The following COL5A2 variants were observed in gnomAD, a reference collection of about 807,000 sequenced individuals.
COL5A2 encodes the protein collagen type V alpha 2 chain, also known as collagen alpha-2(V) chain.
A neutral mutation model predicts 208.2 loss-of-function variants in COL5A2; 23 were observed. The observed-to-expected ratio is 0.11, with a 90% CI of 0.08 to 0.16. The LOEUF is 0.16. COL5A2 is among the 10% of genes least tolerant of loss of function. The pLI is 1.00. For missense variants in COL5A2, 1,590 were observed against 1,956.4 expected, an observed-to-expected ratio of 0.81 and a Z score of 3.53; for synonymous variants, 625 against 628.5, an observed-to-expected ratio of 0.99 and a Z score of 0.08.
At chr2:189,199,934 G>C (rs1689050680) in intron 1 of COL5A2, among the ~76,000 whole-genome samples, 1 of 152,092 alleles carries the variant, frequency 6.6e-6, no homozygotes, top group South Asian at 2.1e-4. Flanking sequence ...CTTTTTATTG[G>C]GGTTAGGCCA....
At chr2:189,376,427 T>C in the COL5A2 span, among the ~76,000 whole-genome samples, 1 of 152,184 alleles carries the variant, frequency 6.6e-6, no homozygotes, top group African/African-American at 2.4e-5. Flanking sequence ...GATAAAAATA[T>C]ACTTGTAGGA....
chr2:189,439,606 A>G, the COL5A2 span, among the ~76,000 whole-genome samples: 1 of 152,354 alleles, frequency 6.6e-6, no homozygotes, highest in South Asian at 2.1e-4. Context: ...ACAACGCACT[A>G]TTAATTAAAC....
At chr2:189,059,364 A>G (rs1199790948) in intron 31 of COL5A2, among the ~76,000 whole-genome samples, 4 of 152,064 alleles carry the variant, frequency 2.6e-5, no homozygotes, top group Admixed American at 2.6e-4. Context: ...TCTACTAGGT[A>G]TTGTGCATTC....
the COL5A2 span, among the ~76,000 whole-genome samples, chr2:189,256,800 T>C: frequency 6.6e-6 from 1 of 152,186 alleles, no homozygotes; most frequent in Non-Finnish European, 1.5e-5. Flanking sequence ...GCTAATTTTT[T>C]TGTATTTTTA....
intron 26 of COL5A2, 51 bp downstream of exon 26, chr2:189,063,929 A>G: frequency 7.3e-7 from 1 of 1,375,730 alleles, no homozygotes; most frequent in Non-Finnish European, 1.0e-6. Flanking sequence ...TTTAAGTTGC[A>G]TGTCTGTTGA....
the COL5A2 span, among the ~76,000 whole-genome samples, chr2:189,355,465 T>C: frequency 6.6e-6 from 1 of 152,206 alleles, no homozygotes. Context: ...TGGGTGCTCC[T>C]GTATTGGGTG....
At chr2:189,061,502 T>TAA (rs369656754) in intron 30 of COL5A2, 60 bp downstream of exon 30, 62 of 995,386 alleles carry the variant, frequency 6.2e-5, no homozygotes, top group East Asian at 1.5e-4. Flanking sequence ...TCTTTTTTTT[T>TAA]AAAAAAAAAA....
chr2:189,134,623 A>G (rs994828496), intron 1 of COL5A2, among the ~76,000 whole-genome samples: 3 of 152,204 alleles, frequency 2.0e-5, no homozygotes, highest in Admixed American at 1.3e-4. Context: ...CATTGTCAAC[A>G]GTTTTGCATA....
At chr2:189,424,327 A>G in the COL5A2 span, among the ~76,000 whole-genome samples, 1 of 152,208 alleles carries the variant, frequency 6.6e-6, no homozygotes, top group Non-Finnish European at 1.5e-5. Flanking sequence ...TGGAAGTTCT[A>G]ATGAGCCGTT....
the COL5A2 span, among the ~76,000 whole-genome samples, chr2:189,396,959 A>G: frequency 6.8e-6 from 1 of 146,262 alleles, no homozygotes; most frequent in African/African-American, 2.5e-5. Flanking sequence ...CCACTGCACT[A>G]CAGCCTGGGC....
At chr2:189,224,494 G>T (rs183751351) in intron 1 of COL5A2, among the ~76,000 whole-genome samples, 5 of 152,088 alleles carry the variant, frequency 3.3e-5, no homozygotes, top group African/African-American at 4.8e-5. Flanking sequence ...TTCCAGACCA[G>T]CCTGACCAAC....
chr2:189,394,589 T>C, the COL5A2 span, among the ~76,000 whole-genome samples: 194 of 152,322 alleles, frequency 1.3e-3, 1 homozygote, highest in Non-Finnish European at 2.1e-3. Flanking sequence ...CAGACTTCCA[T>C]CTTCCAGAAC....
At chr2:189,190,522 T>G (rs975508220) in intron 1 of COL5A2, among the ~76,000 whole-genome samples, 4 of 152,254 alleles carry the variant, frequency 2.6e-5, no homozygotes, top group African/African-American at 9.6e-5. Flanking sequence ...AAAAGAGTTA[T>G]TTTATTAATT....
At chr2:189,214,122 T>C (rs1212012888) in intron 1 of COL5A2, among the ~76,000 whole-genome samples, 4 of 152,178 alleles carry the variant, frequency 2.6e-5, no homozygotes, top group Non-Finnish European at 5.9e-5. Context: ...TAAAATGGCA[T>C]ATTAAACATA....
At chr2:189,370,745 T>A in the COL5A2 span, among the ~76,000 whole-genome samples, 2 of 152,204 alleles carry the variant, frequency 1.3e-5, no homozygotes, top group African/African-American at 4.8e-5. Flanking sequence ...TTTATTTCCT[T>A]TATAGGATTT....
chr2:189,363,522 TATATTC>T, the COL5A2 span, among the ~76,000 whole-genome samples: 6 of 152,308 alleles, frequency 3.9e-5, no homozygotes, highest in African/African-American at 1.4e-4. Context: ...TTGATTATGA[TATATTC>T]TTATTCTTAT....
At chr2:189,119,274 G>GA (rs1687454545) in intron 1 of COL5A2, among the ~76,000 whole-genome samples, 1 of 152,068 alleles carries the variant, frequency 6.6e-6, no homozygotes, top group Non-Finnish European at 1.5e-5. Context: ...AGGAAGGAGG[G>GA]AGAGGGGTAG....
chr2:189,301,170 G>A, the COL5A2 span, among the ~76,000 whole-genome samples: 2 of 151,570 alleles, frequency 1.3e-5, no homozygotes, highest in African/African-American at 4.9e-5. Context: ...CTGGGTGACA[G>A]AGTGAAACCC....
At chr2:189,307,189 TA>T in the COL5A2 span, among the ~76,000 whole-genome samples, 1 of 152,176 alleles carries the variant, frequency 6.6e-6, no homozygotes, top group Admixed American at 6.5e-5. Context: ...ATTCATTTAG[TA>T]TTTATTTTTC....
Sources: gnomAD v4.1 joint callset for allele counts (sites outside exome capture counted in the v4.1 genomes callset) on GRCh38, gnomAD v4.1.1 for gene constraint, MANE v1.5 for transcripts, NCBI Gene and HGNC (gene_info 2026-07-23, HGNC 2026-07-21) for gene names.